NCAPD2: variants seen among roughly 807,000 people sequenced by gnomAD.
NCAPD2 encodes the protein condensin complex subunit 1.
NCAPD2 carries 100 observed loss-of-function variants against 164.5 expected under a neutral mutation model. The observed-to-expected ratio is 0.61, with a 90% confidence interval of 0.52 to 0.72. NCAPD2 has a LOEUF of 0.72. NCAPD2 is among the 30% of genes least tolerant of loss of function. The pLI, the probability that NCAPD2 is intolerant of heterozygous loss-of-function variation, is 0.00. For missense variants in NCAPD2, 1,560 were observed against 1,749.2 expected (o/e 0.89, Z 1.93); for synonymous variants, 585 against 642.6 (o/e 0.91, Z 1.36).
intron 2 of NCAPD2, among the ~76,000 whole-genome samples, chr12:6,497,872 C>T (rs1226293510): frequency 4.6e-5 from 7 of 151,840 alleles, no homozygotes; most frequent in Admixed American, 4.6e-4. Flanking sequence ...CCGCCTCGAC[C>T]TCCCAAAGTG....
intron 4 of NCAPD2, chr12:6,510,400 T>C (rs756463067): frequency 1.0e-5 from 8 of 783,428 alleles, no homozygotes; most frequent in Non-Finnish European, 1.8e-5. Flanking sequence ...ATAGGGGTGA[T>C]TCTTCCAGTT....
intron 18 of NCAPD2, 111 bp from the exon 19 acceptor site, chr12:6,525,957 T>C (rs575788058): frequency 1.8e-5 from 26 of 1,419,104 alleles, no homozygotes; most frequent in Non-Finnish European, 2.5e-5. Flanking sequence ...GCTATAGTGC[T>C]CCACGGCTCT....
At chr12:6,494,324 TAA>T (rs1945954979) in intron 1 of NCAPD2, among the ~76,000 whole-genome samples, 170 bp downstream of exon 1, 7 of 51,682 alleles carry the variant, frequency 1.4e-4, no homozygotes, top group Admixed American at 1.2e-3. Flanking sequence ...GCAAATCGCT[TAA>T]CAGATCCGCA....
chr12:6,503,937 C>G (rs1339272031), intron 2 of NCAPD2, among the ~76,000 whole-genome samples: 1 of 151,918 alleles, frequency 6.6e-6, no homozygotes, highest in Non-Finnish European at 1.5e-5. Context: ...AACATCATGC[C>G]ACTGCACTCC....
In NCAPD2 at chr12:6,531,839, A is replaced by G. The variant is rs527292797; in HGVS notation, c.*427A>G. On this transcript the variant is annotated 3_prime_UTR_variant, in exon 32 of 32. Coordinates refer to ENST00000315579, the MANE Select transcript of NCAPD2 (RefSeq NM_014865.4). This position sits in a 1 kb window ranked among gnomAD's most constrained non-coding sequence, Gnocchi z 4.1. ...AAAAAATGCCTACACGCTCTTTAAAATGCAAGGCTTTCTCTTAAATTAGCC... is the reference window on the plus strand; with the variant it reads ...AAAAAATGCCTACACGCTCTTTAAAGTGCAAGGCTTTCTCTTAAATTAGCC... 2.3e-4 allele frequency: 48 copies of G among 208,690 alleles called. No homozygotes were observed. In the South Asian group the frequency reaches 2.8e-3, roughly 12 times the overall value. 12.9% of individuals were successfully genotyped at this position (208,690 alleles called of 1,614,324 possible).
At chr12:6,506,309 C>T (rs146585803) in intron 2 of NCAPD2, among the ~76,000 whole-genome samples, 265 of 152,086 alleles carry the variant, frequency 1.7e-3, no homozygotes, top group African/African-American at 6.1e-3. Flanking sequence ...TATATTTGGC[C>T]GGGCACGGTG....
At chr12:6,506,891 G>C (rs370197266) in intron 2 of NCAPD2, among the ~76,000 whole-genome samples, 1 of 152,144 alleles carries the variant, frequency 6.6e-6, no homozygotes, top group African/African-American at 2.4e-5. Context: ...AAAAAAATTA[G>C]CATATTAGTG....
rs201170599 is a variant in NCAPD2 at position 6,514,604 on chromosome 12, G to A, written c.839+17G>A. 1.2e-5 allele frequency: 20 copies of A among 1,613,964 alleles called. No homozygotes were observed. The highest frequency in any genetic ancestry group is 4.5e-5 in the East Asian group (2 of 44,878). ...GATTGTAAGGTGACTCTTCCTTCTC[G>A]AAGTTTCTCATGCTTATTTTCCTTG... is the stretch of plus-strand genomic sequence containing the variant. On this transcript the variant is annotated intron_variant, in intron 8 of 31. Coordinates refer to ENST00000315579, the MANE Select transcript of NCAPD2 (RefSeq NM_014865.4).
rs770801928 is a variant in NCAPD2, at chr12:6,522,037, G to A, written c.1954G>A (p.Val652Met). The change falls in exon 15 of 32, where the codon GTG becomes ATG. Residue 652 changes from valine to methionine, a missense_variant and splice_region_variant. Physicochemically the swap from Val to Met is conservative, Grantham distance 21. Transcript: ENST00000315579. Reference protein sequence around the residue: ...SKMMYENTTTVVQEVIEFFVM... With the variant: ...SKMMYENTTTMVQEVIEFFVM... ...GATGATGTATGAAAACACAACTACAGGTATGCCAGAGTCCCTTTCTATAAG... is the reference window on the plus strand; with the variant it reads ...GATGATGTATGAAAACACAACTACAAGTATGCCAGAGTCCCTTTCTATAAG... 6.2e-7 allele frequency: 1 copy of A among 1,613,618 alleles called. No homozygotes were observed. Among genetic ancestry groups the A allele is most frequent in the Non-Finnish European group, 8.5e-7 (1 of 1,179,604 alleles).
chr12:6,502,184 C>T (rs1946044513), intron 2 of NCAPD2, among the ~76,000 whole-genome samples: 1 of 151,678 alleles, frequency 6.6e-6, no homozygotes, highest in Non-Finnish European at 1.5e-5. Context: ...ATGGCTTTAT[C>T]AGAACATGGA....
rs557266354 is a variant in NCAPD2 at position 6,515,922 on chromosome 12, T to A, written c.988-906T>A. Among the ~76,000 whole-genome samples the A allele has an allele frequency of 1.2e-4, 19 of 152,268 alleles. 1 individual carries two copies. In the South Asian group the frequency reaches 3.9e-3, roughly 32 times the overall value. ...TTAAAGACTTTGAGGCCAGGTGTGGTGGCTCACGCCTGTAATCCCAGCACT... is the reference window on the plus strand; with the variant it reads ...TTAAAGACTTTGAGGCCAGGTGTGGAGGCTCACGCCTGTAATCCCAGCACT... On this transcript the variant is annotated intron_variant, in intron 9 of 31. Transcript: ENST00000315579.
Position 6,511,541 on chromosome 12 carries a change from C to A in NCAPD2, c.587+289C>A, listed in dbSNP as rs190104579. 2.1e-3 allele frequency among the ~76,000 whole-genome samples: 316 copies of A among 152,168 alleles called. 6 individuals are homozygous for A. The highest frequency in any genetic ancestry group is 4.0e-3 in the Admixed American group (61 of 15,282). ...GACGGGTTTTGCCATGTTGGCCAGG[C>A]TGGTCTTGAACTCCTAACCTCAGGT... On this transcript the variant is annotated intron_variant, in intron 6 of 31. Transcript: ENST00000315579.
At chr12:6,527,341 C>T (rs1946326538) in intron 22 of NCAPD2, among the ~76,000 whole-genome samples, 1 of 152,218 alleles carries the variant, frequency 6.6e-6, no homozygotes, top group African/African-American at 2.4e-5. Flanking sequence ...TTAGAACACG[C>T]ACGTACCCGC....
At chr12:6,509,557 C>T (rs778740084) in intron 2 of NCAPD2, among the ~76,000 whole-genome samples, 160 bp from the exon 3 acceptor site, 2 of 152,154 alleles carry the variant, frequency 1.3e-5, no homozygotes, top group African/African-American at 4.8e-5. Flanking sequence ...CCACCATGCC[C>T]GGCTCTCATC....
chr12:6,512,680 A>G (rs115720620), intron 6 of NCAPD2, among the ~76,000 whole-genome samples: 2,054 of 152,332 alleles, frequency 0.013, 45 homozygotes, highest in African/African-American at 0.047. Flanking sequence ...CCTGACTTGT[A>G]CTTCAACAGG....
chr12:6,494,327 CA>C (rs1468188231), intron 1 of NCAPD2, among the ~76,000 whole-genome samples, 173 bp downstream of exon 1: 3 of 51,160 alleles, frequency 5.9e-5, no homozygotes, highest in Admixed American at 5.3e-4. Flanking sequence ...AATCGCTTAA[CA>C]GATCCGCAAC....
At chr12:6,495,433 A>C (rs931019774) in intron 2 of NCAPD2, among the ~76,000 whole-genome samples, 2 of 152,222 alleles carry the variant, frequency 1.3e-5, no homozygotes, top group African/African-American at 4.8e-5. Context: ...GGATTAGTCA[A>C]AAACAGTCTT....
At chr12:6,526,784 A>AG (rs1342742664) in intron 21 of NCAPD2, 107 bp from the exon 22 acceptor site, 2 of 1,439,844 alleles carry the variant, frequency 1.4e-6, no homozygotes, top group African/African-American at 2.8e-5. Context: ...CTACTTCACT[A>AG]GTTTGAATAG....
chr12:6,501,828 C>T (rs149683552), intron 2 of NCAPD2, among the ~76,000 whole-genome samples: 8 of 152,142 alleles, frequency 5.3e-5, no homozygotes, highest in African/African-American at 9.6e-5. Flanking sequence ...GCTAAATGGA[C>T]GCTAAATAAA....
Sources: allele counts gnomAD v4.1 joint callset (sites outside exome capture counted in the v4.1 genomes callset), GRCh38; gene constraint gnomAD v4.1.1; non-coding constraint Gnocchi (gnomAD v3.1); transcripts MANE v1.5; gene names NCBI Gene and HGNC (gene_info 2026-07-23, HGNC 2026-07-21).